The following USP37 variants were observed in gnomAD, a reference collection of about 807,000 sequenced individuals.
USP37 encodes ubiquitin specific peptidase 37.
Under a neutral mutation model 124.0 loss-of-function variants are expected in USP37, and 27 were observed. The ratio of observed to expected loss-of-function variants is 0.22; its 90% confidence interval spans 0.16 to 0.30. The LOEUF (loss-of-function observed/expected upper bound fraction) is 0.30. Among genes scored for constraint, USP37 ranks in the 10% least tolerant of loss-of-function variants. The probability of loss-of-function intolerance (pLI) is 1.00; values close to 1 mark genes in which losing one functional copy is unlikely to be tolerated. For synonymous variants in USP37, 365 were observed against 388.0 expected, an observed-to-expected ratio of 0.94 and a Z score of 0.70; for missense variants, 889 against 1,140.4, an observed-to-expected ratio of 0.78 and a Z score of 3.17.
intron 4 of USP37, among the ~76,000 whole-genome samples, chr2:218,554,588 A>T (rs1692853855): frequency 6.6e-6 from 1 of 152,150 alleles, no homozygotes; most frequent in Non-Finnish European, 1.5e-5. Context: ...CTCTACTAAA[A>T]AGACAAAAAG....
chr2:218,559,726 A>T (rs1482091670), intron 3 of USP37, among the ~76,000 whole-genome samples: 3 of 152,296 alleles, frequency 2.0e-5, no homozygotes, highest in Admixed American at 6.5e-5. Flanking sequence ...AAATGGCCGG[A>T]CACAGTGGCT....
intron 21 of USP37, among the ~76,000 whole-genome samples, chr2:218,463,603 T>C (rs1690149680): frequency 6.8e-6 from 1 of 146,794 alleles, no homozygotes; most frequent in Non-Finnish European, 1.5e-5. Flanking sequence ...TGGTGTGATC[T>C]CGGCTCAATG....
chr2:218,562,403 A>C (rs1250289312), intron 2 of USP37, among the ~76,000 whole-genome samples: 1 of 152,238 alleles, frequency 6.6e-6, no homozygotes, highest in African/African-American at 2.4e-5. Flanking sequence ...ATTTCTTCAC[A>C]ATTATTAAAA....
At chr2:218,511,326 G>T (rs1362832668) in intron 10 of USP37, among the ~76,000 whole-genome samples, 6 of 150,524 alleles carry the variant, frequency 4.0e-5, no homozygotes, top group Admixed American at 4.0e-4. Flanking sequence ...TCTTTTTTTT[G>T]AGATGAAGTT....
chr2:218,480,179 A>C (rs1371579945), intron 17 of USP37, among the ~76,000 whole-genome samples: 1 of 151,030 alleles, frequency 6.6e-6, no homozygotes, highest in Non-Finnish European at 1.5e-5. Context: ...ATGGTGGCTC[A>C]TGAGGTCAGG....
intron 21 of USP37, 90 bp downstream of exon 21, chr2:218,465,920 A>C (rs1221044885): frequency 3.5e-6 from 5 of 1,434,488 alleles, no homozygotes; most frequent in Non-Finnish European, 4.7e-6. Flanking sequence ...AATGTCTGAC[A>C]CATAGTAAGT....
intron 20 of USP37, among the ~76,000 whole-genome samples, chr2:218,471,419 T>C (rs958338429): frequency 6.6e-6 from 1 of 152,228 alleles, no homozygotes; most frequent in African/African-American, 2.4e-5. Context: ...AAAGTGATCA[T>C]GACACTTCTT....
Position 218,467,231 on chromosome 2 carries a change from C to G in USP37, c.2300-1055G>C, listed in dbSNP as rs535582346. 5.3e-5 allele frequency among the ~76,000 whole-genome samples: 8 copies of G among 151,386 alleles called. No individual in the cohort carries two copies. The South Asian group carries it at 1.7e-3, about 32-fold the overall frequency. On this transcript the variant is annotated intron_variant, in intron 20 of 25. Transcript: ENST00000258399. Reference sequence around the variant, plus strand: ...CTGGAGTGCAGTGGCTCACTGCAACCTCCACCTCTTTCAGGCAATTCTCCC... The same window carrying G: ...CTGGAGTGCAGTGGCTCACTGCAACGTCCACCTCTTTCAGGCAATTCTCCC...
chr2:218,524,095 A>T (rs911230259), intron 10 of USP37, among the ~76,000 whole-genome samples: 1 of 152,166 alleles, frequency 6.6e-6, no homozygotes, highest in Non-Finnish European at 1.5e-5. Flanking sequence ...TTACTTTTGC[A>T]TTTCTGGGAT....
rs532483992 is a variant in USP37 at position 218,521,718 on chromosome 2, C to G, written c.863+8238G>C. Among the ~76,000 whole-genome samples, 4 of 152,290 alleles carry G rather than the reference C, an allele frequency of 2.6e-5. No homozygotes were observed. The East Asian group carries it at 7.7e-4, about 29-fold the overall frequency. ...ATTTGTTCATTTTTTCCCCACCTGA[C>G]TAAAAAGTCTGGATCCTACACTAAT... On this transcript the variant is annotated intron_variant, in intron 10 of 25. Transcript: ENST00000258399.
chr2:218,504,554 T>G (rs1420411368), intron 11 of USP37, among the ~76,000 whole-genome samples: 1 of 151,996 alleles, frequency 6.6e-6, no homozygotes, highest in Non-Finnish European at 1.5e-5. Flanking sequence ...GTCTCCCCGG[T>G]AGCTGGGATT....
chr2:218,493,763 GCC>G (rs1688922907), intron 14 of USP37, among the ~76,000 whole-genome samples: 1 of 152,104 alleles, frequency 6.6e-6, no homozygotes, highest in South Asian at 2.1e-4. Flanking sequence ...GAGCCACCAT[GCC>G]CAGCCTGATA....
intron 2 of USP37, among the ~76,000 whole-genome samples, chr2:218,561,591 G>A (rs1053629738): frequency 1.3e-5 from 2 of 150,772 alleles, no homozygotes; most frequent in Non-Finnish European, 2.9e-5. Context: ...CCGGGAGGCA[G>A]AGGCTGCAGT....
rs71064454 is a variant in USP37, at chr2:218,526,785, C to CTTTTTTTTTTTTTTTTT, written c.863+3154_863+3170dup. ...AACGTAAGTTTCTTCATTTCATTTGCTTTTTTTTTTTTTTTTTTTTTGGGA... is the reference window on the plus strand; with the variant it reads ...AACGTAAGTTTCTTCATTTCATTTGCTTTTTTTTTTTTTTTTTTTTTTTTTTTTTTTTTTTTTTGGGA... On this transcript the variant is annotated intron_variant, in intron 10 of 25. Transcript: ENST00000258399. Among the ~76,000 whole-genome samples the CTTTTTTTTTTTTTTTTT allele has an allele frequency of 9.2e-5, 7 of 75,934 alleles. 1 individual carries two copies. Among genetic ancestry groups the CTTTTTTTTTTTTTTTTT allele is most frequent in the Middle Eastern group, 0.02 (1 of 50 alleles). 49.8% of individuals were successfully genotyped at this position (75,934 alleles called of 152,430 possible).
At chr2:218,568,009 C>T (rs1485304066) in intron 1 of USP37, among the ~76,000 whole-genome samples, 169 bp downstream of exon 1, 2 of 152,188 alleles carry the variant, frequency 1.3e-5, no homozygotes, top group Admixed American at 6.5e-5. Context: ...CGGGGCAGTG[C>T]ACCCAAAGGT....
intron 11 of USP37, chr2:218,500,690 A>G (rs1689330356): frequency 6.6e-6 from 1 of 152,118 alleles, no homozygotes; most frequent in South Asian, 2.1e-4. Flanking sequence ...CTTATTTTTA[A>G]TAGAACATCC....
intron 1 of USP37, among the ~76,000 whole-genome samples, chr2:218,566,358 C>A (rs1366387496): frequency 1.3e-5 from 2 of 152,156 alleles, no homozygotes; most frequent in African/African-American, 4.8e-5. Flanking sequence ...GTGAAGCAGG[C>A]AAGAACCAGG....
chr2:218,470,067 A>G (rs1328643115), intron 20 of USP37, among the ~76,000 whole-genome samples: 1 of 151,662 alleles, frequency 6.6e-6, no homozygotes, highest in African/African-American at 2.4e-5. Context: ...TGATCCACCC[A>G]CCTCAGCCTC....
intron 3 of USP37, among the ~76,000 whole-genome samples, chr2:218,559,048 T>C (rs984853033): frequency 6.7e-6 from 1 of 149,922 alleles, no homozygotes; most frequent in Non-Finnish European, 1.5e-5. Context: ...TGGCTCAGCC[T>C]GTAATCCCAA....
Sources: allele counts gnomAD v4.1 joint callset (sites outside exome capture counted in the v4.1 genomes callset), GRCh38; gene constraint gnomAD v4.1.1; transcripts MANE v1.5; gene names NCBI Gene and HGNC (gene_info 2026-07-23, HGNC 2026-07-21).